GLIS1: variants seen among roughly 807,000 people sequenced by gnomAD.
GLIS1 encodes GLIS family zinc finger 1.
Under a neutral mutation model 63.8 loss-of-function variants are expected in GLIS1, and 24 were observed. The observed-to-expected ratio is 0.38, with a 90% CI of 0.27 to 0.53. The LOEUF (loss-of-function observed/expected upper bound fraction) is 0.53, where lower values mean the gene tolerates loss of function less well. Among genes scored for constraint, GLIS1 ranks in the 20% least tolerant of loss-of-function variants. The probability of loss-of-function intolerance (pLI) is 0.85; values close to 1 mark genes in which losing one functional copy is unlikely to be tolerated. For missense variants in GLIS1, 1,036 were observed against 1,074.1 expected, an observed-to-expected ratio of 0.96 and a Z score of 0.50; for synonymous variants, 450 against 482.5, an observed-to-expected ratio of 0.93 and a Z score of 0.88.
intron 2 of GLIS1, among the ~76,000 whole-genome samples, chr1:53,605,300 C>T (rs1046914571): frequency 7.9e-5 from 12 of 152,178 alleles, no homozygotes; most frequent in South Asian, 6.2e-4. Flanking sequence ...CATGATGCTT[C>T]GCTGCTCTGA....
chr1:53,518,864 C>T (rs138982500), intron 7 of GLIS1, among the ~76,000 whole-genome samples: 12 of 152,350 alleles, frequency 7.9e-5, no homozygotes, highest in South Asian at 2.1e-4. Context: ...AGCCTGAGGC[C>T]GGCATCTGGG....
At chr1:53,520,893 C>T in intron 6 of GLIS1, 127 bp from the exon 7 acceptor site, 1 of 1,031,880 alleles carries the variant, frequency 9.7e-7, no homozygotes. Context: ...CACTGTGCCT[C>T]AGTTCCCCAT....
intron 2 of GLIS1, among the ~76,000 whole-genome samples, chr1:53,689,246 G>C (rs560880389): frequency 6.6e-6 from 1 of 152,122 alleles, no homozygotes; most frequent in Non-Finnish European, 1.5e-5. Context: ...AGCGAAGCAG[G>C]GGCCAGTGGA....
intron 4 of GLIS1, among the ~76,000 whole-genome samples, chr1:53,581,694 G>A (rs72899300): frequency 0.038 from 5,807 of 152,212 alleles, 372 homozygotes; most frequent in African/African-American, 0.13. Context: ...GTCAGGCTGG[G>A]GCAAGAGCAT....
chr1:53,556,622 GTA>G (rs371451579), intron 4 of GLIS1, among the ~76,000 whole-genome samples: 669 of 89,000 alleles, frequency 7.5e-3, no homozygotes, highest in East Asian at 0.027. Flanking sequence ...TGTACTGCAG[GTA>G]TGTGTTTGTG....
At chr1:53,662,547 T>C (rs1303352424) in intron 2 of GLIS1, among the ~76,000 whole-genome samples, 1 of 152,102 alleles carries the variant, frequency 6.6e-6, no homozygotes, top group Non-Finnish European at 1.5e-5. Flanking sequence ...TAATCAAGCG[T>C]GGATCCTGAG....
intron 4 of GLIS1, among the ~76,000 whole-genome samples, chr1:53,547,820 A>T (rs1473820031): frequency 6.6e-6 from 1 of 152,182 alleles, no homozygotes; most frequent in Non-Finnish European, 1.5e-5. Flanking sequence ...GTGATTTCTC[A>T]TTAGAAATAT....
At chr1:53,686,933 A>G (rs1646342984) in intron 2 of GLIS1, among the ~76,000 whole-genome samples, 1 of 152,086 alleles carries the variant, frequency 6.6e-6, no homozygotes, top group African/African-American at 2.4e-5. Flanking sequence ...ACCTAACTGA[A>G]CTTCCTGACA....
chr1:53,707,709 G>C (rs1308553881), intron 2 of GLIS1, among the ~76,000 whole-genome samples: 2 of 151,504 alleles, frequency 1.3e-5, no homozygotes, highest in East Asian at 3.9e-4. Context: ...AGAAATGAAA[G>C]TGAGCATTTA....
At chr1:53,666,187 A>C (rs912267754) in intron 2 of GLIS1, among the ~76,000 whole-genome samples, 1 of 152,198 alleles carries the variant, frequency 6.6e-6, no homozygotes, top group African/African-American at 2.4e-5. Context: ...ACTGCTGAAC[A>C]TACAGTCACC....
chr1:53,514,816 G>A (rs769685713), intron 7 of GLIS1, 35 bp from the exon 8 acceptor site: 1 of 1,549,564 alleles, frequency 6.5e-7, no homozygotes, highest in Non-Finnish European at 8.7e-7. Context: ...CTGGACTCTG[G>A]CCACTCCCTA....
At chr1:53,702,657 C>T (rs192014936) in intron 2 of GLIS1, among the ~76,000 whole-genome samples, 20 of 152,334 alleles carry the variant, frequency 1.3e-4, no homozygotes, top group Non-Finnish European at 2.5e-4. Flanking sequence ...GCAGGGGTTA[C>T]GGCCACTTGA....
intron 4 of GLIS1, among the ~76,000 whole-genome samples, chr1:53,591,052 T>C (rs1278279859): frequency 1.3e-5 from 2 of 152,210 alleles, no homozygotes; most frequent in African/African-American, 4.8e-5. Flanking sequence ...AATAAAAGGA[T>C]TAACTGCTAT....
chr1:53,567,881 GA>G (rs1474381473), intron 4 of GLIS1, among the ~76,000 whole-genome samples: 1 of 152,254 alleles, frequency 6.6e-6, no homozygotes, highest in East Asian at 1.9e-4. Flanking sequence ...GGAAATGCCT[GA>G]ATGTCCAGGC....
In GLIS1 at chr1:53,594,483, C is replaced by T; in HGVS notation, c.945G>A (p.Arg315=). The T allele has an allele frequency of 6.2e-7, 1 of 1,613,012 alleles. No homozygotes were observed. The highest frequency in any genetic ancestry group is 8.5e-7 in the Non-Finnish European group (1 of 1,180,004). ...GTTCCTGCTTCAGGAAGCTCGCCTT[C>T]CGGCAGGCTTCAAGTTGCAAGCTGC... ...HEGSLQLEAC[R]KASFLKQEPA... Residue 315 remains arginine (R), a synonymous_variant, in exon 4 of 11, where the codon CGG becomes CGA. Coordinates refer to ENST00000628545, the MANE Select transcript of GLIS1 (RefSeq NM_001367484.1).
chr1:53,736,179 C>T (rs897455634), intron 2 of GLIS1, among the ~76,000 whole-genome samples: 1 of 152,204 alleles, frequency 6.6e-6, no homozygotes, highest in African/African-American at 2.4e-5. Flanking sequence ...GGCTCTTCCT[C>T]CCATCCCTTT....
At chr1:53,591,079 C>T (rs1569877074) in intron 4 of GLIS1, among the ~76,000 whole-genome samples, 1 of 152,250 alleles carries the variant, frequency 6.6e-6, no homozygotes, top group East Asian at 1.9e-4. Flanking sequence ...GGGCCATTTA[C>T]TCTTCAATCA....
intron 2 of GLIS1, among the ~76,000 whole-genome samples, chr1:53,651,400 G>A (rs898924695): frequency 5.3e-5 from 8 of 152,164 alleles, no homozygotes; most frequent in Non-Finnish European, 1.2e-4. Context: ...AAAAACACAA[G>A]AGTAACCACA....
intron 2 of GLIS1, among the ~76,000 whole-genome samples, chr1:53,728,476 T>C (rs897797495): frequency 1.3e-5 from 2 of 152,064 alleles, no homozygotes; most frequent in African/African-American, 2.4e-5. Flanking sequence ...GATAAGAAAA[T>C]TGAGACCCAA....
Sources: allele counts gnomAD v4.1 joint callset (sites outside exome capture counted in the v4.1 genomes callset), GRCh38; gene constraint gnomAD v4.1.1; transcripts MANE v1.5; gene names NCBI Gene and HGNC (gene_info 2026-07-23, HGNC 2026-07-21).